SEC24B: variants seen among roughly 807,000 people sequenced by gnomAD.
SEC24B encodes SEC24 homolog B, COPII component, also known as protein transport protein Sec24B.
A neutral mutation model predicts 142.8 loss-of-function variants in SEC24B; 45 were observed. The observed-to-expected ratio is 0.32, with a 90% CI of 0.25 to 0.40. The LOEUF is 0.40. Ranked by LOEUF, SEC24B falls within the 10% of genes least tolerant of loss-of-function variation. The pLI is 1.00. For missense variants in SEC24B, 1,409 were observed against 1,526.8 expected, an observed-to-expected ratio of 0.92 and a Z score of 1.29; for synonymous variants, 574 against 568.2, an observed-to-expected ratio of 1.01 and a Z score of -0.15.
At chr4:109,495,607 G>C (rs1735460489) in intron 6 of SEC24B, among the ~76,000 whole-genome samples, 1 of 152,164 alleles carries the variant, frequency 6.6e-6, no homozygotes, top group African/African-American at 2.4e-5. Flanking sequence ...TCGCAGATCG[G>C]TTCGATTAGT....
intron 1 of SEC24B, among the ~76,000 whole-genome samples, chr4:109,454,594 G>T (rs888260440): frequency 6.6e-6 from 1 of 151,548 alleles, no homozygotes; most frequent in African/African-American, 2.4e-5. Flanking sequence ...GGCCTCAGAA[G>T]TAGCCTCAGA....
At chr4:109,460,333 C>G (rs902487271) in intron 1 of SEC24B, among the ~76,000 whole-genome samples, 1 of 152,042 alleles carries the variant, frequency 6.6e-6, no homozygotes, top group Non-Finnish European at 1.5e-5. Flanking sequence ...GTGGTACTTC[C>G]TTTGTGTACT....
intron 1 of SEC24B, among the ~76,000 whole-genome samples, chr4:109,453,570 C>T (rs557702443): frequency 2.0e-5 from 3 of 151,904 alleles, no homozygotes; most frequent in Non-Finnish European, 4.4e-5. Flanking sequence ...GGCCCACAGG[C>T]AGCCAGACTT....
chr4:109,491,603 A>G (rs1735027043), intron 5 of SEC24B, among the ~76,000 whole-genome samples, 196 bp downstream of exon 5: 1 of 152,156 alleles, frequency 6.6e-6, no homozygotes. Flanking sequence ...TGGGGCTATT[A>G]TTTTTTGTTG....
rs534235016 is a variant in SEC24B, at chr4:109,512,010, G to A, written c.1830G>A (p.Thr610=). The change falls in exon 9 of 24, where the codon ACG becomes ACA. Residue 610 remains threonine, a synonymous_variant. Coordinates refer to ENST00000265175, the MANE Select transcript of SEC24B (RefSeq NM_006323.5). ...NTIVRCRSCR[T]YINPFVSFID... The stretch of plus-strand genomic sequence containing the variant: ...TTGTGAGGTGCCGATCCTGTCGAAC[G>A]TATATTAACCCCTTTGTATCCTTCA... 106 of 1,613,056 alleles carry A rather than the reference G, an allele frequency of 6.6e-5. No homozygotes were observed. In the South Asian group the frequency reaches 1.0e-3, roughly 16 times the overall value.
chr4:109,538,915 G>A (rs1184358394), intron 23 of SEC24B, among the ~76,000 whole-genome samples: 5 of 151,940 alleles, frequency 3.3e-5, no homozygotes, highest in Non-Finnish European at 7.4e-5. Flanking sequence ...CTCCCGAGTA[G>A]CTGGGACTGC....
chr4:109,531,655 T>C, intron 20 of SEC24B, 133 bp downstream of exon 20: 1 of 610,636 alleles, frequency 1.6e-6, no homozygotes. Context: ...TAGTAATACA[T>C]TAAATAAGGA....
chr4:109,449,475 GC>G (rs1175682830), intron 1 of SEC24B: 3 of 450,030 alleles, frequency 6.7e-6, no homozygotes, highest in South Asian at 4.7e-5. Context: ...CAAGCAATCT[GC>G]CCGCCTCGGC....
At chr4:109,452,666 A>G (rs1031317921) in intron 1 of SEC24B, among the ~76,000 whole-genome samples, 1 of 152,192 alleles carries the variant, frequency 6.6e-6, no homozygotes, top group Non-Finnish European at 1.5e-5. Flanking sequence ...CTTCTCATGT[A>G]TATTTTACAT....
At chr4:109,464,929 T>C (rs1731703365) in intron 2 of SEC24B, among the ~76,000 whole-genome samples, 1 of 152,236 alleles carries the variant, frequency 6.6e-6, no homozygotes, top group Non-Finnish European at 1.5e-5. Flanking sequence ...TGGATCCCGC[T>C]GTTCTTGGTA....
At chr4:109,520,704 C>G (rs1215275488) in intron 12 of SEC24B, among the ~76,000 whole-genome samples, 1 of 152,014 alleles carries the variant, frequency 6.6e-6, no homozygotes, top group Non-Finnish European at 1.5e-5. Flanking sequence ...TTTAATAAAG[C>G]AATATTAGCT....
chr4:109,494,614 G>T lies in SEC24B; in HGVS notation c.1247-1G>T. ...TAACACCATGTGTTTCCATTTTTTAGATATGCTTTCTTCATCAGCAAGCAG... is the reference window on the plus strand; with the variant it reads ...TAACACCATGTGTTTCCATTTTTTATATATGCTTTCTTCATCAGCAAGCAG... On this transcript the variant is annotated splice_acceptor_variant, in intron 5 of 23. Coordinates refer to ENST00000265175, the MANE Select transcript of SEC24B (RefSeq NM_006323.5). LOFTEE classifies it high-confidence loss of function. 4.3e-6 allele frequency: 7 copies of T among 1,613,686 alleles called. No homozygotes were observed. The highest frequency in any genetic ancestry group is 5.9e-6 in the Non-Finnish European group (7 of 1,179,972).
At chr4:109,504,813 T>C (rs976533122) in intron 6 of SEC24B, among the ~76,000 whole-genome samples, 1 of 152,150 alleles carries the variant, frequency 6.6e-6, no homozygotes, top group Non-Finnish European at 1.5e-5. Context: ...GAATCATTTA[T>C]TTCAGTATGG....
intron 10 of SEC24B, 40 bp downstream of exon 10, chr4:109,513,896 A>G (rs2126055003): frequency 7.9e-7 from 1 of 1,266,304 alleles, no homozygotes; most frequent in East Asian, 2.3e-5. Flanking sequence ...GAACACAATT[A>G]CATTGGTCAT....
intron 1 of SEC24B, among the ~76,000 whole-genome samples, chr4:109,442,623 G>T (rs761051834): frequency 6.6e-6 from 1 of 151,956 alleles, no homozygotes; most frequent in Non-Finnish European, 1.5e-5. Flanking sequence ...AAAAAAGTTG[G>T]AATTCAATTC....
At chr4:109,446,345 A>G (rs971430301) in intron 1 of SEC24B, among the ~76,000 whole-genome samples, 1 of 152,236 alleles carries the variant, frequency 6.6e-6, no homozygotes, top group Non-Finnish European at 1.5e-5. Flanking sequence ...CAAGCCAAGG[A>G]ATACCAGTGG....
At chr4:109,490,450 T>G (rs772278959) in intron 4 of SEC24B, among the ~76,000 whole-genome samples, 1 of 152,112 alleles carries the variant, frequency 6.6e-6, no homozygotes, top group Non-Finnish European at 1.5e-5. Context: ...AGGGATAACC[T>G]CTGTAGCACA....
chr4:109,474,042 T>C (rs186966771), intron 3 of SEC24B, among the ~76,000 whole-genome samples: 1 of 152,332 alleles, frequency 6.6e-6, no homozygotes, highest in East Asian at 1.9e-4. Context: ...TAGGGTGATC[T>C]CATTGCTTGT....
chr4:109,438,844 A>G (rs763087238), intron 1 of SEC24B, among the ~76,000 whole-genome samples: 4 of 152,094 alleles, frequency 2.6e-5, no homozygotes, highest in Non-Finnish European at 5.9e-5. Context: ...TCATTGAGCA[A>G]TATATGGATT....
Sources: gnomAD v4.1 joint callset for allele counts (sites outside exome capture counted in the v4.1 genomes callset) on GRCh38, gnomAD v4.1.1 for gene constraint, MANE v1.5 for transcripts, NCBI Gene and HGNC (gene_info 2026-07-23, HGNC 2026-07-21) for gene names.